The following FAF1 variants were observed in gnomAD, a reference collection of about 807,000 sequenced individuals.
FAF1 encodes Fas associated factor 1.
FAF1 carries 25 observed loss-of-function variants against 92.5 expected under a neutral mutation model. The observed-to-expected ratio is 0.27, with a 90% CI of 0.20 to 0.38. The LOEUF is 0.38. Ranked by LOEUF, FAF1 falls within the 10% of genes least tolerant of loss-of-function variation. The pLI is 1.00. For synonymous variants in FAF1, 234 were observed against 273.2 expected (o/e 0.86, Z 1.42); for missense variants, 636 against 793.3 (o/e 0.80, Z 2.38).
At chr1:50,956,746 C>T (rs1022890198) in intron 1 of FAF1, among the ~76,000 whole-genome samples, 2 of 152,052 alleles carry the variant, frequency 1.3e-5, no homozygotes, top group African/African-American at 2.4e-5. Context: ...GTCGGGGGTT[C>T]GAGACCAGCC....
At chr1:50,528,013 C>G (rs1417643454) in intron 15 of FAF1, among the ~76,000 whole-genome samples, 3 of 151,910 alleles carry the variant, frequency 2.0e-5, no homozygotes, top group Admixed American at 6.6e-5. Flanking sequence ...TGGGACTACA[C>G]CACCATACTT....
intron 17 of FAF1, among the ~76,000 whole-genome samples, chr1:50,485,321 T>A (rs1209762797): frequency 6.6e-6 from 1 of 151,722 alleles, no homozygotes; most frequent in South Asian, 2.1e-4. Flanking sequence ...ACAGTAATAA[T>A]AATATCATCC....
intron 7 of FAF1, among the ~76,000 whole-genome samples, chr1:50,698,110 T>C (rs1321266005): frequency 6.6e-6 from 1 of 152,174 alleles, no homozygotes; most frequent in Non-Finnish European, 1.5e-5. Flanking sequence ...TTATGAGCAC[T>C]TTATATTCAC....
chr1:50,907,158 T>C (rs1644846305), intron 1 of FAF1, among the ~76,000 whole-genome samples: 1 of 152,220 alleles, frequency 6.6e-6, no homozygotes. Context: ...TTGTCTTTGG[T>C]TCTGTTTACA....
At chr1:50,765,408 C>T (rs1322424254) in intron 4 of FAF1, among the ~76,000 whole-genome samples, 3 of 152,036 alleles carry the variant, frequency 2.0e-5, no homozygotes, top group Non-Finnish European at 4.4e-5. Context: ...GGAATTTATT[C>T]CTTAATTTAT....
At chr1:50,703,660 C>T (rs1310658939) in intron 7 of FAF1, among the ~76,000 whole-genome samples, 1 of 151,968 alleles carries the variant, frequency 6.6e-6, no homozygotes, top group African/African-American at 2.4e-5. Context: ...TCTGTCTTTG[C>T]AAAAATATTT....
intron 1 of FAF1, among the ~76,000 whole-genome samples, chr1:50,956,673 G>C (rs1645269513): frequency 6.6e-6 from 1 of 152,176 alleles, no homozygotes; most frequent in East Asian, 1.9e-4. Context: ...TTTGAGCCGG[G>C]TGCGGTGGCT....
intron 2 of FAF1, among the ~76,000 whole-genome samples, chr1:50,844,591 G>A (rs967563242): frequency 2.0e-5 from 3 of 150,696 alleles, no homozygotes; most frequent in Non-Finnish European, 2.9e-5. Context: ...CCTGGGCTTC[G>A]AGTTTTCATC....
rs188807361 is a variant in FAF1 at position 50,580,155 on chromosome 1, T to C, written c.1113+2463A>G. Among the ~76,000 whole-genome samples the C allele has an allele frequency of 1.4e-3, 209 of 152,204 alleles. 1 individual carries two copies. The highest frequency in any genetic ancestry group is 4.9e-3 in the African/African-American group (204 of 41,574). On this transcript the variant is annotated intron_variant, in intron 12 of 18. Coordinates refer to ENST00000396153, the MANE Select transcript of FAF1 (RefSeq NM_007051.3). ...CAAAAGCTTAACTGCTAAAAACTAT[T>C]AAAATTTATTTGAAGTTTTAATTAT...
At chr1:50,842,831 A>G (rs1644266670) in intron 2 of FAF1, among the ~76,000 whole-genome samples, 1 of 152,156 alleles carries the variant, frequency 6.6e-6, no homozygotes, top group Non-Finnish European at 1.5e-5. Context: ...GGCATTTATC[A>G]TATTATAAAA....
intron 17 of FAF1, among the ~76,000 whole-genome samples, chr1:50,476,312 T>C (rs1449210765): frequency 6.6e-6 from 1 of 152,208 alleles, no homozygotes; most frequent in East Asian, 1.9e-4. Context: ...GGAAAGAACT[T>C]CAAATATCAG....
At chr1:50,770,145 C>T (rs1252995040) in intron 4 of FAF1, among the ~76,000 whole-genome samples, 4 of 152,142 alleles carry the variant, frequency 2.6e-5, no homozygotes, top group Non-Finnish European at 5.9e-5. Context: ...CAGCCAACAT[C>T]ATACTGAATT....
At chr1:50,817,281 T>A (rs1014102424) in intron 2 of FAF1, among the ~76,000 whole-genome samples, 4 of 152,170 alleles carry the variant, frequency 2.6e-5, no homozygotes, top group Admixed American at 6.5e-5. Context: ...ATGTAATATA[T>A]CCATACAATG....
intron 2 of FAF1, among the ~76,000 whole-genome samples, chr1:50,815,160 G>A (rs1398241413): frequency 5.9e-5 from 9 of 152,116 alleles, no homozygotes; most frequent in Non-Finnish European, 2.9e-5. Context: ...ATGATGCTGA[G>A]GTTTGGTGTA....
chr1:50,894,872 A>G (rs1176597248), intron 1 of FAF1, among the ~76,000 whole-genome samples: 2 of 152,180 alleles, frequency 1.3e-5, no homozygotes, highest in Admixed American at 6.5e-5. Flanking sequence ...TTACAGCAAA[A>G]GCAAGAGGGA....
At chr1:50,458,439 C>A (rs759119079) in intron 18 of FAF1, among the ~76,000 whole-genome samples, 1 of 152,084 alleles carries the variant, frequency 6.6e-6, no homozygotes, top group Non-Finnish European at 1.5e-5. Flanking sequence ...GGAACTAATA[C>A]CTGGCATACA....
intron 18 of FAF1, among the ~76,000 whole-genome samples, chr1:50,459,450 T>A (rs924359282): frequency 6.6e-6 from 1 of 152,284 alleles, no homozygotes; most frequent in Non-Finnish European, 1.5e-5. Context: ...ACTCAACAAA[T>A]CCCAAAGTGA....
intron 4 of FAF1, among the ~76,000 whole-genome samples, chr1:50,770,246 T>C (rs1465105343): frequency 6.6e-6 from 1 of 152,024 alleles, no homozygotes; most frequent in Non-Finnish European, 1.5e-5. Flanking sequence ...GCACTGGAAG[T>C]CCTAGCCAGA....
chr1:50,584,001 T>C (rs1364305246), intron 10 of FAF1, among the ~76,000 whole-genome samples: 1 of 152,122 alleles, frequency 6.6e-6, no homozygotes, highest in Non-Finnish European at 1.5e-5. Flanking sequence ...ATGTGCCCAG[T>C]TGTCATTTAG....
Sources: allele counts gnomAD v4.1 joint callset (sites outside exome capture counted in the v4.1 genomes callset), GRCh38; gene constraint gnomAD v4.1.1; transcripts MANE v1.5; gene names NCBI Gene and HGNC (gene_info 2026-07-23, HGNC 2026-07-21).